GPAM: variants seen among roughly 807,000 people sequenced by gnomAD.
The protein encoded by GPAM is glycerol-3-phosphate acyltransferase, mitochondrial, also known as glycerol-3-phosphate acyltransferase 1, mitochondrial.
A neutral mutation model predicts 105.0 loss-of-function variants in GPAM; 56 were observed. That is an observed-to-expected ratio of 0.53 (90% CI 0.43 to 0.67). GPAM has a LOEUF of 0.67. GPAM is among the 30% of genes least tolerant of loss of function. GPAM has a pLI of 0.00. For missense variants in GPAM, 855 were observed against 989.8 expected (o/e 0.86, Z 1.83); for synonymous variants, 368 against 354.4 (o/e 1.04, Z -0.43).
chr10:112,210,965 G>C (rs917232973), intron 1 of GPAM, among the ~76,000 whole-genome samples: 1 of 152,222 alleles, frequency 6.6e-6, no homozygotes, highest in African/African-American at 2.4e-5. Context: ...CCTGTTCTCA[G>C]AATCTCACCA....
Position 112,180,579 on chromosome 10 carries a change from C to A in GPAM, c.119G>T (p.Arg40Ile), listed in dbSNP as rs768331094. The change falls in exon 4 of 22, where the codon AGA becomes ATA. Residue 40 changes from arginine to isoleucine, a missense_variant. By Grantham distance (97) the Arg-to-Ile change is moderately conservative (BLOSUM62 -3). Coordinates refer to ENST00000348367, the MANE Select transcript of GPAM (RefSeq NM_001244949.2). ...AGTTGCAGATCTGAAGATGGTGGGT[C>A]TAAAGCCACACTCACCCTGACAAAT... ...TSEEWGECGF[R>I]PTIFRSATLK... 6.2e-7 allele frequency: 1 copy of A among 1,610,230 alleles called. No individual in the cohort carries two copies. Among genetic ancestry groups the A allele is most frequent in the Non-Finnish European group, 8.5e-7 (1 of 1,176,646 alleles).
chr10:112,163,388 A>G (rs1353375124), intron 14 of GPAM, among the ~76,000 whole-genome samples: 2 of 152,272 alleles, frequency 1.3e-5, no homozygotes, highest in African/African-American at 4.8e-5. Context: ...TGTACCACAA[A>G]TTAGTTCAAG....
chr10:112,150,574 T>C lies in GPAM; in HGVS notation c.*2976A>G. On this transcript the variant is annotated 3_prime_UTR_variant, in exon 22 of 22. Transcript: ENST00000348367. ...CTCCTTAAAGAACTATCTAACATAG[T>C]GTTTCCCAAAATGTTCTCCACAGGA... The C allele has an allele frequency of 3.1e-6, 3 of 983,286 alleles. No individual in the cohort carries two copies. In the South Asian group the frequency reaches 1.4e-4, roughly 46 times the overall value. The allele number at this position is 983,286 out of a possible 1,614,324, so 60.9% of individuals were successfully genotyped here.
Position 112,208,445 on chromosome 10 carries a change from A to G in GPAM, n.210+6723T>C, listed in dbSNP as rs964253969. Among the ~76,000 whole-genome samples the G allele has an allele frequency of 2.0e-5, 3 of 152,226 alleles. No homozygotes were observed. In the East Asian group the frequency reaches 5.8e-4, roughly 29 times the overall value. On this transcript the variant is annotated intron_variant and non_coding_transcript_variant, in intron 1 of 3. Coordinates refer to the GPAM transcript ENST00000480130. ...CAGAAAGTGGATACTTGAGGCATTA[A>G]ACATACAGGAGCCTGAGACGCCAAG...
chr10:112,182,435 T>C (rs188110014), intron 2 of GPAM, among the ~76,000 whole-genome samples: 84 of 152,370 alleles, frequency 5.5e-4, no homozygotes, highest in Admixed American at 1.2e-3. Context: ...ATCTGATGTA[T>C]AAGTTTTCAT....
In GPAM at chr10:112,176,955, C is replaced by G. The variant is rs563202327; in HGVS notation, c.299+1029G>C. On this transcript the variant is annotated intron_variant, in intron 5 of 21. Transcript: ENST00000348367. ...ACTGTCTCTAATTGAGGGCAAGAAA[C>G]AAACCTCTTGGCTTTATATATAAAA... 5.7e-3 allele frequency among the ~76,000 whole-genome samples: 867 copies of G among 152,248 alleles called. 7 individuals carry two copies. The highest frequency in any genetic ancestry group is 0.02 in the African/African-American group (833 of 41,544).
chr10:112,181,560 C>A, intron 3 of GPAM, 123 bp downstream of exon 3: 1 of 711,172 alleles, frequency 1.4e-6, no homozygotes, highest in Non-Finnish European at 2.6e-6. Context: ...CATAAACATA[C>A]CAGTTTCTGT....
At chr10:112,191,154 G>C (rs774488774) in intron 1 of GPAM, among the ~76,000 whole-genome samples, 1 of 152,210 alleles carries the variant, frequency 6.6e-6, no homozygotes, top group Non-Finnish European at 1.5e-5. Flanking sequence ...ACAAGACATA[G>C]TGTTCAAAGA....
At chr10:112,191,316 C>A (rs1217650899) in intron 1 of GPAM, among the ~76,000 whole-genome samples, 2 of 152,282 alleles carry the variant, frequency 1.3e-5, no homozygotes, top group East Asian at 1.9e-4. Context: ...CTCTTGCCAT[C>A]TCCCACCAGA....
intron 1 of GPAM, among the ~76,000 whole-genome samples, chr10:112,213,178 C>T (rs1200407160): frequency 6.6e-6 from 1 of 152,180 alleles, no homozygotes; most frequent in African/African-American, 2.4e-5. Context: ...TACCATCAGC[C>T]TGCTATCATT....
intron 3 of GPAM, among the ~76,000 whole-genome samples, chr10:112,180,970 A>G (rs1176249524): frequency 6.6e-6 from 1 of 152,234 alleles, no homozygotes; most frequent in African/African-American, 2.4e-5. Flanking sequence ...GGCCTTACAT[A>G]GTGAGCAAGT....
At chr10:112,163,913 T>C (rs1260458346) in intron 13 of GPAM, 97 bp from the exon 14 acceptor site, 2 of 710,238 alleles carry the variant, frequency 2.8e-6, no homozygotes, top group Non-Finnish European at 5.2e-6. Context: ...TTTAAATTAC[T>C]ATATATTTTA....
chr10:112,163,310 T>C lies in GPAM; in HGVS notation c.1423+391A>G, dbSNP rs188779223. On this transcript the variant is annotated intron_variant, in intron 14 of 21. Coordinates refer to ENST00000348367, the MANE Select transcript of GPAM (RefSeq NM_001244949.2). ...GCAAAGCTTTATACAAGGCCACTCA[T>C]ATTTGCTGCATTACAAAAACTCATG... Among the ~76,000 whole-genome samples, 7 of 152,338 alleles carry C rather than the reference T, an allele frequency of 4.6e-5. No homozygotes were observed. In the East Asian group the frequency reaches 1.4e-3, roughly 29 times the overall value.
intron 19 of GPAM, chr10:112,157,009 G>A (rs1350097236): frequency 3.3e-6 from 2 of 609,358 alleles, no homozygotes; most frequent in Admixed American, 2.9e-5. Flanking sequence ...ATAAAAGGAT[G>A]GTGAAAGTCT....
In GPAM at chr10:112,152,265, A is replaced by G. The variant is rs1339938789; in HGVS notation, c.*1285T>C. ...TTTAACATTACATGATATTTAAAAA[A>G]TCACCATAATTACCATAATAAACCA... On this transcript the variant is annotated 3_prime_UTR_variant, in exon 22 of 22. Transcript: ENST00000348367. The G allele has an allele frequency of 2.0e-6, 2 of 980,668 alleles. No individual in the cohort carries two copies. Among genetic ancestry groups the G allele is most frequent in the Admixed American group, 1.2e-4 (2 of 16,262 alleles). 60.7% of individuals were successfully genotyped at this position (980,668 alleles called of 1,614,324 possible). A position where few individuals can be genotyped will look rare whatever the true frequency, so the allele number is the denominator to read the frequency against.
At chr10:112,220,934 G>A in the GPAM span, among the ~76,000 whole-genome samples, 1 of 151,884 alleles carries the variant, frequency 6.6e-6, no homozygotes, top group African/African-American at 2.4e-5. Flanking sequence ...CTTAGCACCA[G>A]GCAGCCAATA....
At chr10:112,168,775 C>G in intron 10 of GPAM, 78 bp downstream of exon 10, 1 of 959,916 alleles carries the variant, frequency 1.0e-6, no homozygotes, top group East Asian at 2.4e-5. Flanking sequence ...TTAAAAATCT[C>G]AACTCAAAAG....
intron 13 of GPAM, 86 bp downstream of exon 13, chr10:112,164,439 A>G: frequency 1.3e-6 from 1 of 784,370 alleles, no homozygotes; most frequent in Non-Finnish European, 2.3e-6. Context: ...GAATGTGCGC[A>G]TTTTTAATAA....
At chr10:112,198,926 T>G (rs1490140747) in intron 1 of GPAM, among the ~76,000 whole-genome samples, 4 of 135,368 alleles carry the variant, frequency 3.0e-5, no homozygotes, top group East Asian at 2.4e-4. Context: ...TGTTGTTTTG[T>G]TTTTTTTTTT....
Sources: allele counts gnomAD v4.1 joint callset (sites outside exome capture counted in the v4.1 genomes callset), GRCh38; gene constraint gnomAD v4.1.1; transcripts MANE v1.5; gene names NCBI Gene and HGNC (gene_info 2026-07-23, HGNC 2026-07-21).